The following ADD2 variants were observed in gnomAD, a reference collection of about 807,000 sequenced individuals.
ADD2 encodes beta-adducin.
A neutral mutation model predicts 83.0 loss-of-function variants in ADD2; 23 were observed. The ratio of observed to expected loss-of-function variants is 0.28; its 90% CI spans 0.20 to 0.39. The LOEUF (loss-of-function observed/expected upper bound fraction) is 0.39. ADD2 is among the 10% of genes least tolerant of loss of function. ADD2 has a pLI of 1.00. For missense variants in ADD2, 758 were observed against 944.9 expected, an observed-to-expected ratio of 0.80 and a Z score of 2.59; for synonymous variants, 375 against 375.4, an observed-to-expected ratio of 1.00 and a Z score of 0.01.
At chr2:70,673,119 T>C (rs1553367457) in intron 14 of ADD2, 113 bp from the exon 15 acceptor site, 1 of 1,538,156 alleles carries the variant, frequency 6.5e-7, no homozygotes, top group Non-Finnish European at 8.9e-7. Flanking sequence ...TCCTCCTGGC[T>C]GATAATGAGA....
intron 7 of ADD2, chr2:70,691,873 T>C (rs1671057005): frequency 6.6e-6 from 1 of 152,318 alleles, no homozygotes; most frequent in African/African-American, 2.4e-5. Flanking sequence ...CCAGAACTGG[T>C]TGTCTGCCTG....
chr2:70,676,798 G>C lies in ADD2; in HGVS notation c.1591C>G (p.Pro531Ala). 1 of 1,614,178 alleles carries C rather than the reference G, an allele frequency of 6.2e-7. No individual in the cohort carries two copies. The highest frequency in any genetic ancestry group is 1.1e-5 in the South Asian group (1 of 91,082). Reference protein sequence around the residue: ...ASVIAEKSRSPSTESQLMSKG... With the variant: ...ASVIAEKSRSASTESQLMSKG... ...GTCAGGGGCAGCCTCTGCTCTACCGGGCTTCGGCTCTTCTCGGCAATGACG... is the reference window on the plus strand; with the variant it reads ...GTCAGGGGCAGCCTCTGCTCTACCGCGCTTCGGCTCTTCTCGGCAATGACG... Residue 531 changes from proline to alanine, a missense_variant and splice_region_variant, in exon 13 of 16, where the codon CCG becomes GCG. Pro to Ala is a conservative substitution (Grantham distance 27). Coordinates refer to ENST00000264436, the MANE Select transcript of ADD2 (RefSeq NM_001617.4). This position sits in a 1 kb window ranked among gnomAD's most constrained non-coding sequence, Gnocchi z 4.8.
intron 6 of ADD2, 21 bp from the exon 7 acceptor site, chr2:70,692,573 G>C (rs1419128876): frequency 1.3e-6 from 2 of 1,574,418 alleles, no homozygotes; most frequent in Non-Finnish European, 1.7e-6. Context: ...GAAGAAGAGA[G>C]ACTTATGGCA....
At chr2:70,694,341 T>C (rs1183379166) in intron 6 of ADD2, among the ~76,000 whole-genome samples, 1 of 152,158 alleles carries the variant, frequency 6.6e-6, no homozygotes, top group Non-Finnish European at 1.5e-5. Context: ...AGGTGTCGGT[T>C]GGCCTCTACA....
At chr2:70,704,263 T>TGCCCCCCCCCCCCCCAC in intron 4 of ADD2, 58 bp downstream of exon 4, 2 of 913,238 alleles carry the variant, frequency 2.2e-6, no homozygotes, top group Non-Finnish European at 3.4e-6. Flanking sequence ...CTCCCTCTCT[T>TGCCCCCCCCCCCCCCAC]CCCCACCCCA....
In ADD2 at chr2:70,663,524, T is replaced by G. The variant is rs1322351284; in HGVS notation, c.2082A>C (p.Pro694=). 6.2e-7 allele frequency: 1 copy of G among 1,614,044 alleles called. No homozygotes were observed. The highest frequency in any genetic ancestry group is 1.3e-5 in the African/African-American group (1 of 74,922). The change falls in exon 16 of 16, where the codon CCA becomes CCC. Residue 694 remains proline (P), a synonymous_variant. Coordinates refer to ENST00000264436, the MANE Select transcript of ADD2 (RefSeq NM_001617.4). ...AGGGAGACTTGGAAGGTGAGCCCTCTGGGGACATGGGGCCGCTGGTGACCG... is the reference window on the plus strand; with the variant it reads ...AGGGAGACTTGGAAGGTGAGCCCTCGGGGGACATGGGGCCGCTGGTGACCG... ...TESVTSGPMS[P]EGSPSKSPSK... is the part of the protein sequence containing the mutation.
In ADD2 at chr2:70,692,685, T is replaced by G. The variant is rs185895195; in HGVS notation, c.556-133A>C. ...CCAGACACCATGAGCAATGACGGAC[T>G]TGGTGTTGGAAGAAAACAAACCAGT... On this transcript the variant is annotated intron_variant, in intron 6 of 15. Coordinates refer to ENST00000264436, the MANE Select transcript of ADD2 (RefSeq NM_001617.4). 4.9e-4 allele frequency: 494 copies of G among 1,010,380 alleles called. 4 individuals carry two copies. In the East Asian group the frequency reaches 0.012, roughly 25 times the overall value. The allele number at this position is 1,010,380 out of a possible 1,614,324, so 62.6% of individuals were successfully genotyped here. A position where few individuals can be genotyped will look rare whatever the true frequency, so the allele number is the denominator to read the frequency against.
At chr2:70,711,982 C>T (rs1265519861) in intron 2 of ADD2, among the ~76,000 whole-genome samples, 1 of 152,034 alleles carries the variant, frequency 6.6e-6, no homozygotes, top group East Asian at 1.9e-4. Flanking sequence ...GCTTGTGTGC[C>T]CTTCAACTTA....
At chr2:70,672,798 C>T in intron 15 of ADD2, 80 bp downstream of exon 15, 1 of 1,473,938 alleles carries the variant, frequency 6.8e-7, no homozygotes, top group Non-Finnish European at 9.1e-7. Context: ...TTAGGGGCAA[C>T]ACGAGTGGAA....
intron 4 of ADD2, among the ~76,000 whole-genome samples, chr2:70,701,635 T>C (rs1553373515): frequency 1.3e-5 from 2 of 152,130 alleles, no homozygotes; most frequent in African/African-American, 4.8e-5. Context: ...ACTGAGATGA[T>C]ATTAAAATTT....
chr2:70,757,220 TAC>T (rs1186268060), intron 1 of ADD2, among the ~76,000 whole-genome samples: 11 of 151,566 alleles, frequency 7.3e-5, no homozygotes, highest in Admixed American at 3.3e-4. Flanking sequence ...TATTTTGGGA[TAC>T]AGAGGTATCT....
chr2:70,703,105 G>A (rs111438750), intron 4 of ADD2, among the ~76,000 whole-genome samples: 37 of 149,648 alleles, frequency 2.5e-4, no homozygotes, highest in African/African-American at 8.6e-4. Flanking sequence ...GGGCAACAGA[G>A]TGAGATTCTG....
chr2:70,667,543 G>A (rs56728774), intron 15 of ADD2, among the ~76,000 whole-genome samples: 7,462 of 152,262 alleles, frequency 0.049, 327 homozygotes, highest in African/African-American at 0.11. Flanking sequence ...TAATGTGTCA[G>A]CTTGACTGGG....
At chr2:70,729,622 A>G (rs2104462605) in intron 1 of ADD2, among the ~76,000 whole-genome samples, 2 of 152,292 alleles carry the variant, frequency 1.3e-5, no homozygotes, top group South Asian at 4.2e-4. Context: ...ACCTCTGCAA[A>G]ATATGGCAGG....
rs77613079 is a variant in ADD2, at chr2:70,664,109, G to C, written c.1871-374C>G. Reference sequence around the variant, plus strand: ...GGCGTGAGGTGTACAGCTTGGTGGAGACATCTAAGCATTGCTGTAACCAGT... The same window carrying C: ...GGCGTGAGGTGTACAGCTTGGTGGACACATCTAAGCATTGCTGTAACCAGT... On this transcript the variant is annotated intron_variant, in intron 15 of 15. Coordinates refer to ENST00000264436, the MANE Select transcript of ADD2 (RefSeq NM_001617.4). 4.5e-3 allele frequency among the ~76,000 whole-genome samples: 692 copies of C among 152,320 alleles called. 6 individuals carry two copies. The highest frequency in any genetic ancestry group is 0.016 in the African/African-American group (650 of 41,568).
intron 1 of ADD2, among the ~76,000 whole-genome samples, chr2:70,746,750 T>C (rs955266671): frequency 2.0e-5 from 3 of 152,180 alleles, no homozygotes; most frequent in Non-Finnish European, 4.4e-5. Flanking sequence ...TTTCTCTGCC[T>C]CCTCAGAATT....
rs926591060 is a variant in ADD2 at position 70,713,066 on chromosome 2, C to T, written c.-35G>A. The stretch of plus-strand genomic sequence containing the variant: ...CCACCAGAAACTACTGCTTACTTAC[C>T]GGGAGGCTGGCCCAGCCCTGTCCAA... On this transcript the variant is annotated splice_region_variant and 5_prime_UTR_variant, in exon 2 of 16. Coordinates refer to ENST00000264436, the MANE Select transcript of ADD2 (RefSeq NM_001617.4). 2.8e-5 allele frequency: 28 copies of T among 984,734 alleles called. No homozygotes were observed. Among genetic ancestry groups the T allele is most frequent in the East Asian group, 1.1e-4 (1 of 8,802 alleles). The allele number at this position is 984,734 out of a possible 1,614,324, so 61.0% of individuals were successfully genotyped here.
intron 1 of ADD2, among the ~76,000 whole-genome samples, chr2:70,743,115 C>T (rs1159396689): frequency 2.0e-5 from 3 of 152,162 alleles, no homozygotes; most frequent in African/African-American, 7.2e-5. Flanking sequence ...ACAGCAAAGT[C>T]ACATCTTATG....
In ADD2 at chr2:70,663,671, T is replaced by C. The variant is rs2104140581; in HGVS notation, c.1935A>G (p.Glu645=). 1.2e-6 allele frequency: 2 copies of C among 1,614,144 alleles called. No homozygotes were observed. The highest frequency in any genetic ancestry group is 2.2e-5 in the East Asian group (1 of 44,876). ...ATTEPETTQP[E]GVVVNGREEE... ...CCTCCCTCCCGTTGACCACCACCCC[T>C]TCCGGCTGGGTTGTTTCGGGCTCTG... Residue 645 remains glutamate, a synonymous_variant, in exon 16 of 16, where the codon GAA becomes GAG. Transcript: ENST00000264436.
Sources: gnomAD v4.1 joint callset for allele counts (sites outside exome capture counted in the v4.1 genomes callset) on GRCh38, gnomAD v4.1.1 for gene constraint, Gnocchi (gnomAD v3.1) non-coding constraint, MANE v1.5 for transcripts, NCBI Gene and HGNC (gene_info 2026-07-23, HGNC 2026-07-21) for gene names.